Variants in RSPH4A observed in about 807,000 individuals in gnomAD.
RSPH4A encodes the protein radial spoke head component 4A.
Under a neutral mutation model 71.0 loss-of-function variants are expected in RSPH4A, and 47 were observed. The observed-to-expected ratio is 0.66, with a 90% CI of 0.52 to 0.84. The LOEUF (loss-of-function observed/expected upper bound fraction) is 0.84. RSPH4A is among the 40% of genes least tolerant of loss of function. RSPH4A has a pLI of 0.00. For missense variants in RSPH4A, 793 were observed against 855.2 expected (o/e 0.93, Z 0.91); for synonymous variants, 282 against 302.3 (o/e 0.93, Z 0.70).
At chr6:116,630,129 G>A (rs1775768351) in intron 4 of RSPH4A, among the ~76,000 whole-genome samples, 1 of 152,126 alleles carries the variant, frequency 6.6e-6, no homozygotes. Flanking sequence ...TCATATTAAT[G>A]ATGTACCTTT....
Position 116,632,379 on chromosome 6 carries a change from C to A in RSPH4A, c.2089C>A (p.Leu697Ile). Residue 697 changes from leucine (L) to isoleucine (I), a missense_variant, in exon 6 of 6, where the codon CTA (leucine) becomes ATA (isoleucine). Leu to Ile is a conservative substitution (Grantham distance 5). Coordinates refer to ENST00000229554, the MANE Select transcript of RSPH4A (RefSeq NM_001010892.3). ...QAFRAAQEAVLLAAENEESEE... is the reference protein window; with the variant it reads ...QAFRAAQEAVILAAENEESEE... ...TTTCAGGGCTGCACAAGAAGCAGTT[C>A]TACTCGCAGCTGAGAATGAAGAATC... 1 of 1,613,868 alleles carries A rather than the reference C, an allele frequency of 6.2e-7. No individual in the cohort carries two copies. The highest frequency in any genetic ancestry group is 8.5e-7 in the Non-Finnish European group (1 of 1,179,942).
At chr6:116,630,658 T>A in intron 5 of RSPH4A, 106 bp downstream of exon 5, 1 of 563,626 alleles carries the variant, frequency 1.8e-6, no homozygotes, top group Non-Finnish European at 3.1e-6. Context: ...CTTTGGTTTT[T>A]TTTTTCGTGT....
At chr6:116,626,242 A>G (rs1775690324) in intron 2 of RSPH4A, among the ~76,000 whole-genome samples, 1 of 152,248 alleles carries the variant, frequency 6.6e-6, no homozygotes, top group Non-Finnish European at 1.5e-5. Context: ...TTGTAAGAAC[A>G]GCAGAGCTCT....
intron 1 of RSPH4A, among the ~76,000 whole-genome samples, chr6:116,621,101 C>T (rs1027368801): frequency 2.0e-5 from 3 of 152,062 alleles, no homozygotes; most frequent in East Asian, 1.9e-4. Flanking sequence ...TCAGGTGGTC[C>T]GCCCACCTCA....
At position 116,617,382 on chromosome 6, in the gene RSPH4A, G is replaced by A. The variant is rs1775528925; in HGVS notation, c.686+73G>A. Reference sequence around the variant, plus strand: ...TGTGTGAGTATCTCTGTGTGAGAGTGTGTTTCTGTGGGTGAATCAAAATAT... The same window carrying A: ...TGTGTGAGTATCTCTGTGTGAGAGTATGTTTCTGTGGGTGAATCAAAATAT... On this transcript the variant is annotated intron_variant, in intron 1 of 5. Coordinates refer to ENST00000229554, the MANE Select transcript of RSPH4A (RefSeq NM_001010892.3). 15 of 1,048,930 alleles carry A rather than the reference G, an allele frequency of 1.4e-5. No individual in the cohort carries two copies. In the South Asian group the frequency reaches 2.2e-4, roughly 15 times the overall value. The allele number at this position is 1,048,930 out of a possible 1,614,324, so 65.0% of individuals were successfully genotyped here.
chr6:116,632,534 T>TAC lies in RSPH4A; in HGVS notation c.*94_*95insCA. On this transcript the variant is annotated 3_prime_UTR_variant, in exon 6 of 6. Coordinates refer to ENST00000229554, the MANE Select transcript of RSPH4A (RefSeq NM_001010892.3). ...TACACTTTTCTGTGTTATGTGTGTATATACATACACATGTAAGAAATTATT... is the reference window on the plus strand; with the variant it reads ...TACACTTTTCTGTGTTATGTGTGTATACATACATACACATGTAAGAAATTATT... 2 of 1,453,434 alleles carry TAC rather than the reference T, an allele frequency of 1.4e-6. No homozygotes were observed. Among genetic ancestry groups the TAC allele is most frequent in the African/African-American group, 2.8e-5 (2 of 70,532 alleles). The allele number at this position is 1,453,434 out of a possible 1,614,324, so 90.0% of individuals were successfully genotyped here.
intron 5 of RSPH4A, 104 bp downstream of exon 5, chr6:116,630,656 T>TG (rs1208399071): frequency 1.6e-6 from 1 of 619,614 alleles, no homozygotes; most frequent in Non-Finnish European, 2.9e-6. Context: ...TTCTTTGGTT[T>TG]TTTTTTTCGT....
chr6:116,621,378 G>T (rs1388650700), intron 1 of RSPH4A, among the ~76,000 whole-genome samples: 1 of 151,946 alleles, frequency 6.6e-6, no homozygotes, highest in African/African-American at 2.4e-5. Flanking sequence ...AAATAGAGAC[G>T]TTAAATGAAA....
chr6:116,627,981 G>T lies in RSPH4A; in HGVS notation c.1274G>T (p.Gly425Val). The T allele has an allele frequency of 1.2e-6, 2 of 1,614,166 alleles. No homozygotes were observed. The highest frequency in any genetic ancestry group is 1.7e-6 in the Non-Finnish European group (2 of 1,180,028). ...ATACCAAAAGAAGAAAGTAGAACAG[G>T]TGCCAACAAATATGTCTATTTTGTT... ...QAIPKEESRT[G>V]ANKYVYFVCN... The change falls in exon 3 of 6, where the codon GGT (glycine) becomes GTT (valine). Residue 425 changes from glycine (G) to valine (V), a missense_variant. Physicochemically the swap from Gly to Val is moderately radical, Grantham distance 109. Transcript: ENST00000229554.
intron 2 of RSPH4A, among the ~76,000 whole-genome samples, chr6:116,626,806 C>G (rs2115360528): frequency 6.6e-6 from 1 of 152,196 alleles, no homozygotes; most frequent in African/African-American, 2.4e-5. Context: ...GACATGAGCA[C>G]TTTATTACAT....
At position 116,616,690 on chromosome 6, in the gene RSPH4A, C is replaced by A. The variant is rs778806691; in HGVS notation, c.67C>A (p.Pro23Thr). The A allele has an allele frequency of 5.0e-6, 8 of 1,614,144 alleles. No individual in the cohort carries two copies. In the South Asian group the frequency reaches 7.7e-5, roughly 16 times the overall value. ...AGAAGAACTAGGGGAAACAAGGCGG[C>A]CATGGGAAGGAAAGACAGCAGCTTC... is the stretch of plus-strand genomic sequence containing the variant. ...NQEELGETRR[P>T]WEGKTAASPQ... The change falls in exon 1 of 6, where the codon CCA becomes ACA. Residue 23 changes from proline to threonine, a missense_variant. Physicochemically the swap from Pro to Thr is conservative, Grantham distance 38. Transcript: ENST00000229554.
In RSPH4A at chr6:116,617,233, C is replaced by A. The variant is rs775607244; in HGVS notation, c.610C>A (p.Pro204Thr). The change falls in exon 1 of 6, where the codon CCC (proline) becomes ACC (threonine). Residue 204 changes from proline to threonine, a missense_variant. Pro to Thr is a conservative substitution (Grantham distance 38, BLOSUM62 -1). Coordinates refer to ENST00000229554, the MANE Select transcript of RSPH4A (RefSeq NM_001010892.3). The part of the protein sequence containing the change: ...QPAPGGSEVA[P>T]SMLEITIQNA... ...GGCGCCTGGGGGCTCTGAAGTGGCC[C>A]CCAGCATGCTTGAGATCACCATTCA... The A allele has an allele frequency of 6.2e-7, 1 of 1,614,098 alleles. No homozygotes were observed. The highest frequency in any genetic ancestry group is 8.5e-7 in the Non-Finnish European group (1 of 1,180,014).
rs763187181 is a variant in RSPH4A at position 116,628,060 on chromosome 6, A to T, written c.1353A>T (p.Gln451His). ...WVKLPPVIPA[Q>H]IVIARKIKKF... ...AGTTACCACCAGTTATACCTGCACAAATTGTTATTGCAAGAAAAATCAAGA... is the reference window on the plus strand; with the variant it reads ...AGTTACCACCAGTTATACCTGCACATATTGTTATTGCAAGAAAAATCAAGA... Residue 451 changes from glutamine to histidine, a missense_variant, in exon 3 of 6, where the codon CAA becomes CAT. Physicochemically the swap from Gln to His is conservative, Grantham distance 24 (BLOSUM62 0). Coordinates refer to ENST00000229554, the MANE Select transcript of RSPH4A (RefSeq NM_001010892.3). 1 of 1,614,194 alleles carries T rather than the reference A, an allele frequency of 6.2e-7. No individual in the cohort carries two copies. The highest frequency in any genetic ancestry group is 1.1e-5 in the South Asian group (1 of 91,084).
chr6:116,628,278 AG>A lies in RSPH4A; in HGVS notation c.1573del (p.Glu525LysfsTer10). ...EEAEGGRNSF[E>X]ENPDFEGIQV... ...GCAGAAGGTGGGCGAAATAGCTTTG[AG>A]GAAAACCCTGATTTTGAAGGCATCC... On this transcript the variant is annotated frameshift_variant, in exon 3 of 6. Coordinates refer to ENST00000229554, the MANE Select transcript of RSPH4A (RefSeq NM_001010892.3). LOFTEE classifies it high-confidence loss of function. 1 of 1,611,448 alleles carries A rather than the reference AG, an allele frequency of 6.2e-7. No individual in the cohort carries two copies. Among genetic ancestry groups the A allele is most frequent in the Non-Finnish European group, 8.5e-7 (1 of 1,178,494 alleles).
rs568517327 is a variant in RSPH4A, at chr6:116,622,844, A to G, written c.763A>G (p.Ile255Val). The change falls in exon 2 of 6, where the codon ATT becomes GTT. Residue 255 changes from isoleucine (I) to valine (V), a missense_variant. Ile to Val is a conservative substitution (Grantham distance 29). Coordinates refer to ENST00000229554, the MANE Select transcript of RSPH4A (RefSeq NM_001010892.3). Reference protein sequence around the residue: ...PENAVDIFENISQDVKMAHFS... With the variant: ...PENAVDIFENVSQDVKMAHFS... The stretch of plus-strand genomic sequence containing the variant: ...AAATGCTGTTGACATCTTTGAAAAT[A>G]TTAGCCAAGATGTGAAGATGGCACA... The G allele has an allele frequency of 1.9e-6, 3 of 1,613,570 alleles. No individual in the cohort carries two copies. The highest frequency in any genetic ancestry group is 2.2e-5 in the South Asian group (2 of 91,072).
At chr6:116,632,154 T>C (rs1375542096) in intron 5 of RSPH4A, 53 bp from the exon 6 acceptor site, 1 of 1,381,854 alleles carries the variant, frequency 7.2e-7, no homozygotes, top group Non-Finnish European at 1.0e-6. Context: ...GGGTCAGTTT[T>C]TCTGAGAAAT....
At chr6:116,628,897 T>A (rs1176680446) in intron 3 of RSPH4A, among the ~76,000 whole-genome samples, 1 of 152,142 alleles carries the variant, frequency 6.6e-6, no homozygotes, top group African/African-American at 2.4e-5. Context: ...GTACAAGATT[T>A]AATCTTCACA....
intron 1 of RSPH4A, among the ~76,000 whole-genome samples, chr6:116,618,577 C>T (rs571967352): frequency 6.6e-6 from 1 of 152,296 alleles, no homozygotes; most frequent in South Asian, 2.1e-4. Flanking sequence ...GTAGTGGTGC[C>T]ATCTCAGCTC....
intron 1 of RSPH4A, among the ~76,000 whole-genome samples, chr6:116,620,250 T>A (rs1324570380): frequency 6.6e-6 from 1 of 152,250 alleles, no homozygotes; most frequent in Non-Finnish European, 1.5e-5. Context: ...CTTTATTGAA[T>A]TATTTTATAA....
Sources: gnomAD v4.1 joint callset for allele counts (sites outside exome capture counted in the v4.1 genomes callset) on GRCh38, gnomAD v4.1.1 for gene constraint, MANE v1.5 for transcripts, NCBI Gene and HGNC (gene_info 2026-07-23, HGNC 2026-07-21) for gene names.